Variants in PTHLH observed in about 807,000 individuals in gnomAD.
PTHLH encodes the protein parathyroid hormone-related protein.
PTHLH carries 5 observed loss-of-function variants against 18.6 expected under a neutral mutation model. The observed-to-expected ratio is 0.27, with a 90% CI of 0.14 to 0.56. The LOEUF is 0.56. PTHLH is among the 20% of genes least tolerant of loss of function. The pLI, the probability that PTHLH is intolerant of heterozygous loss-of-function variation, is 0.92. For synonymous variants in PTHLH, 90 were observed against 94.0 expected, an observed-to-expected ratio of 0.96 and a Z score of 0.25; for missense variants, 207 against 223.9, an observed-to-expected ratio of 0.92 and a Z score of 0.48.
chr12:27,970,398 C>T (rs1460702325), intron 2 of PTHLH, 131 bp from the exon 3 acceptor site: 2 of 148,174 alleles, frequency 1.3e-5, no homozygotes, highest in African/African-American at 4.9e-5. Flanking sequence ...CGAACGGGCC[C>T]CGCGCCGCCC....
chr12:27,965,449 C>A (rs2062804333), intron 4 of PTHLH, among the ~76,000 whole-genome samples: 1 of 152,216 alleles, frequency 6.6e-6, no homozygotes, highest in Non-Finnish European at 1.5e-5. Context: ...AGTTCATTTT[C>A]ATCATCAAAT....
At chr12:27,961,757 CAT>C in intron 5 of PTHLH, 1 of 529,828 alleles carries the variant, frequency 1.9e-6, no homozygotes, top group Non-Finnish European at 3.3e-6. Context: ...CTACTTATCC[CAT>C]ATGATTGCTA....
rs943834372 is a variant in PTHLH, at chr12:27,962,651, A to T, written c.524+697T>A. ...AAAAATTATTTCATCTTGCCAATGA[A>T]CAAAAAGATACATGAGAAAAACCTA... On this transcript the variant is annotated intron_variant, in intron 5 of 5. Coordinates refer to ENST00000545234, the MANE Select transcript of PTHLH (RefSeq NM_198965.2). 33 of 985,116 alleles carry T rather than the reference A, an allele frequency of 3.3e-5. No homozygotes were observed. The African/African-American group carries it at 5.2e-4, about 16-fold the overall frequency. 61.0% of individuals were successfully genotyped at this position (985,116 alleles called of 1,614,324 possible).
Position 27,963,431 on chromosome 12 carries a change from C to T in PTHLH, c.441G>A (p.Trp147Ter), listed in dbSNP as rs1295486656. The T allele has an allele frequency of 6.2e-7, 1 of 1,614,174 alleles. No homozygotes were observed. The highest frequency in any genetic ancestry group is 8.5e-7 in the Non-Finnish European group (1 of 1,180,034). Residue 147 changes from tryptophan (W) to a stop codon, truncating the protein, a stop_gained, in exon 5 of 6, where the codon TGG becomes TGA. Coordinates refer to ENST00000545234, the MANE Select transcript of PTHLH (RefSeq NM_198965.2). LOFTEE classifies it high-confidence loss of function. ...EKKKRRTRSA[W>*]LDSGVTGSGL... Reference sequence around the variant, plus strand: ...CACTCCCAGTCACTCCAGAGTCTAACCAGGCAGAGCGAGTTCGCCGTTTTT... The same window carrying T: ...CACTCCCAGTCACTCCAGAGTCTAATCAGGCAGAGCGAGTTCGCCGTTTTT...
At chr12:27,961,286 C>CGT (rs1491379915) in intron 5 of PTHLH, among the ~76,000 whole-genome samples, 4 of 46,958 alleles carry the variant, frequency 8.5e-5, no homozygotes, top group South Asian at 6.9e-4. Context: ...CATATATATA[C>CGT]GTATATATAT....
chr12:27,966,048 A>C (rs1350316810), intron 4 of PTHLH, among the ~76,000 whole-genome samples: 2 of 152,208 alleles, frequency 1.3e-5, no homozygotes, highest in Non-Finnish European at 2.9e-5. Context: ...TTGAGGCCAA[A>C]ACTTTTAATG....
In PTHLH at chr12:27,958,926, C is replaced by T. The variant is rs377131316; in HGVS notation, c.525-358G>A. Among the ~76,000 whole-genome samples the T allele has an allele frequency of 1.1e-4, 16 of 152,350 alleles. No individual in the cohort carries two copies. The East Asian group carries it at 1.5e-3, about 15-fold the overall frequency. The stretch of plus-strand genomic sequence containing the variant: ...ATTTAAGAACTTGGAAATGAGGTTA[C>T]GTTGGACCATCCATCATTAAATACA... On this transcript the variant is annotated intron_variant, in intron 5 of 5. Transcript: ENST00000545234.
At chr12:27,968,684 C>T (rs1318651892) in intron 4 of PTHLH, among the ~76,000 whole-genome samples, 4 of 152,116 alleles carry the variant, frequency 2.6e-5, no homozygotes, top group African/African-American at 9.7e-5. Flanking sequence ...AGTGAGAATG[C>T]CAAAATACAA....
intron 1 of PTHLH, 33 bp from the exon 2 acceptor site, chr12:27,972,052 T>G (rs1008030358): frequency 4.0e-5 from 4 of 98,848 alleles, no homozygotes; most frequent in Non-Finnish European, 6.3e-5. Flanking sequence ...AAAAAAAAAG[T>G]CAATCACAAA....
At chr12:27,958,729 G>C in intron 5 of PTHLH, 161 bp from the exon 6 acceptor site, 1 of 596,650 alleles carries the variant, frequency 1.7e-6, no homozygotes, top group East Asian at 3.0e-5. Context: ...GTATCTGTGG[G>C]ATCCACCCAG....
rs1038846014 is a variant in PTHLH at position 27,958,358 on chromosome 12, G to A, written c.*201C>T. 1.2e-5 allele frequency: 5 copies of A among 412,376 alleles called. No homozygotes were observed. Among genetic ancestry groups the A allele is most frequent in the African/African-American group, 1.1e-4 (5 of 46,216 alleles). 25.5% of individuals were successfully genotyped at this position (412,376 alleles called of 1,614,324 possible). On this transcript the variant is annotated 3_prime_UTR_variant, in exon 6 of 6. Coordinates refer to ENST00000545234, the MANE Select transcript of PTHLH (RefSeq NM_198965.2). The stretch of plus-strand genomic sequence containing the variant: ...ATGGACAAAATAAATTATGGTAAAT[G>A]TGATAATAATAATTGGATTAGCCTT...
chr12:27,967,950 C>T (rs531431775), intron 4 of PTHLH, among the ~76,000 whole-genome samples: 1 of 152,232 alleles, frequency 6.6e-6, no homozygotes, highest in Admixed American at 6.5e-5. Context: ...TCTTAAGCAA[C>T]TTTAAAGAAA....
intron 4 of PTHLH, among the ~76,000 whole-genome samples, chr12:27,967,608 G>A (rs1277451401): frequency 1.3e-5 from 2 of 152,174 alleles, no homozygotes; most frequent in Non-Finnish European, 2.9e-5. Context: ...ATGATAATTT[G>A]ATGAAACATC....
chr12:27,965,442 TCA>T (rs1419703436), intron 4 of PTHLH, among the ~76,000 whole-genome samples: 1 of 152,220 alleles, frequency 6.6e-6, no homozygotes, highest in Non-Finnish European at 1.5e-5. Flanking sequence ...CCCAGAAAGT[TCA>T]TTTTCATCAT....
In PTHLH at chr12:27,964,234, T is replaced by TTCTC. The variant is rs60461766; in HGVS notation, c.102-468_102-465dup. 3.2e-3 allele frequency among the ~76,000 whole-genome samples: 469 copies of TTCTC among 144,648 alleles called. 2 individuals are homozygous for TTCTC. The highest frequency in any genetic ancestry group is 0.016 in the South Asian group (71 of 4,362). 94.9% of individuals were successfully genotyped at this position (144,648 alleles called of 152,430 possible). On this transcript the variant is annotated intron_variant, in intron 4 of 5. Coordinates refer to ENST00000545234, the MANE Select transcript of PTHLH (RefSeq NM_198965.2). ...AAAGGCAGCTGCTTTTACCTGAGTA[T>TTCTC]TCTCTCTCTCTCTCTCTCTCTCTCT...
chr12:27,965,222 A>G (rs1291245834), intron 4 of PTHLH, among the ~76,000 whole-genome samples: 1 of 152,250 alleles, frequency 6.6e-6, no homozygotes, highest in East Asian at 1.9e-4. Context: ...AGGTCTTCTG[A>G]TTCTAAAGCC....
At chr12:27,960,815 T>C (rs1009406288) in intron 5 of PTHLH, among the ~76,000 whole-genome samples, 2 of 152,032 alleles carry the variant, frequency 1.3e-5, no homozygotes, top group African/African-American at 4.8e-5. Flanking sequence ...TGGTTCACCA[T>C]GTAACAATGC....
intron 4 of PTHLH, among the ~76,000 whole-genome samples, chr12:27,967,550 G>T (rs2062826393): frequency 6.6e-6 from 1 of 152,098 alleles, no homozygotes; most frequent in Non-Finnish European, 1.5e-5. Flanking sequence ...ACTGTTACTT[G>T]GCAGCAAGAC....
intron 4 of PTHLH, among the ~76,000 whole-genome samples, chr12:27,964,261 TCTCTCTCCTCTCTCTCTCTCA>T (rs768297873): frequency 2.6e-3 from 41 of 15,706 alleles, no homozygotes; most frequent in Admixed American, 4.4e-3. Context: ...TCTCTCTCTC[TCTCTCTCCTCTCTCTCTCTCA>T]CACACACACA....
Sources: allele counts gnomAD v4.1 joint callset (sites outside exome capture counted in the v4.1 genomes callset), GRCh38; gene constraint gnomAD v4.1.1; transcripts MANE v1.5; gene names NCBI Gene and HGNC (gene_info 2026-07-23, HGNC 2026-07-21).